TRANK1: variants seen among roughly 807,000 people sequenced by gnomAD.
TRANK1 encodes tetratricopeptide repeat and ankyrin repeat containing 1.
TRANK1 carries 198 observed loss-of-function variants against 266.0 expected under a neutral mutation model. The ratio of observed to expected loss-of-function variants is 0.74; its 90% CI spans 0.66 to 0.84. The LOEUF (loss-of-function observed/expected upper bound fraction) is 0.84, where lower values mean the gene tolerates loss of function less well. Ranked by LOEUF, TRANK1 falls within the 40% of genes least tolerant of loss-of-function variation. TRANK1 has a pLI of 0.00. For synonymous variants in TRANK1, 1,396 were observed against 1,384.1 expected (o/e 1.01, Z -0.19); for missense variants, 3,326 against 3,634.6 (o/e 0.92, Z 2.18).
chr3:36,897,159 G>C (rs953461798), intron 4 of TRANK1, among the ~76,000 whole-genome samples: 1 of 150,796 alleles, frequency 6.6e-6, no homozygotes, highest in Non-Finnish European at 1.5e-5. Context: ...AAAATTAGCC[G>C]GACGTGGTGG....
At chr3:36,926,840 C>G (rs1175178008) in intron 1 of TRANK1, among the ~76,000 whole-genome samples, 1 of 152,160 alleles carries the variant, frequency 6.6e-6, no homozygotes, top group Non-Finnish European at 1.5e-5. Flanking sequence ...ACTTCTTAAC[C>G]TCACTAATAT....
chr3:36,861,230 C>T, intron 10 of TRANK1, 70 bp from the exon 11 acceptor site: 1 of 1,476,312 alleles, frequency 6.8e-7, no homozygotes, highest in South Asian at 1.3e-5. Context: ...CCAATCACAA[C>T]CCAACATCCA....
chr3:36,900,311 C>T (rs1212946120), intron 3 of TRANK1, among the ~76,000 whole-genome samples: 1 of 152,088 alleles, frequency 6.6e-6, no homozygotes. Context: ...TCAAAGTAAA[C>T]ACAATTTCCA....
At position 36,855,328 on chromosome 3, in the gene TRANK1, TC is replaced by T. The variant is rs866661054; in HGVS notation, c.4393del (p.Asp1465ThrfsTer7). ...NDPNSMFLTGDTAQSIMKGVA... is the reference protein window; with the variant it reads ...NDPNSMFLTGXTAQSIMKGVA... ...GCCCTTCATGATGCTCTGGGCCGTG[TC>T]CCCCGTGAGGAACATAGAGTTGGGG... On this transcript the variant is annotated frameshift_variant, in exon 13 of 24. Transcript: ENST00000645898. LOFTEE classifies it high-confidence loss of function. 1.9e-6 allele frequency: 3 copies of T among 1,613,974 alleles called. No individual in the cohort carries two copies. Among genetic ancestry groups the T allele is most frequent in the Non-Finnish European group, 2.5e-6 (3 of 1,179,868 alleles).
At chr3:36,835,726 T>C (rs2078763100) in intron 20 of TRANK1, among the ~76,000 whole-genome samples, 1 of 152,234 alleles carries the variant, frequency 6.6e-6, no homozygotes. Context: ...ATGTATTGTT[T>C]CTTTGCTATC....
chr3:36,937,768 A>G (rs1254706176), intron 1 of TRANK1, among the ~76,000 whole-genome samples: 1 of 152,132 alleles, frequency 6.6e-6, no homozygotes, highest in Non-Finnish European at 1.5e-5. Flanking sequence ...CATGGCCCCC[A>G]TTGTTTATGC....
intron 1 of TRANK1, among the ~76,000 whole-genome samples, chr3:36,918,598 G>GAAA (rs2080168378): frequency 3.5e-4 from 21 of 60,462 alleles, no homozygotes; most frequent in South Asian, 1.0e-3. Context: ...AAGGAAGGAA[G>GAAA]GAAGGAAGGA....
chr3:36,858,588 G>A lies in TRANK1; in HGVS notation c.1672+130C>T, dbSNP rs2125548251. On this transcript the variant is annotated intron_variant, in intron 12 of 23. Coordinates refer to ENST00000645898, the MANE Select transcript of TRANK1 (RefSeq NM_001329998.2). ...AGTGAGGGGCCAGGTGACATGGGCAGGCCTGGCCAAGAAATGGGCCTTTTT... is the reference window on the plus strand; with the variant it reads ...AGTGAGGGGCCAGGTGACATGGGCAAGCCTGGCCAAGAAATGGGCCTTTTT... 2.7e-6 allele frequency: 3 copies of A among 1,100,472 alleles called. No individual in the cohort carries two copies. The South Asian group carries it at 7.3e-5, about 27-fold the overall frequency. 68.2% of individuals were successfully genotyped at this position (1,100,472 alleles called of 1,614,324 possible).
intron 15 of TRANK1, chr3:36,850,334 A>C (rs929994574): frequency 1.0e-6 from 1 of 985,338 alleles, no homozygotes; most frequent in African/African-American, 1.7e-5. Flanking sequence ...CTAATTGTGG[A>C]AGGTTCTGGA....
At position 36,829,488 on chromosome 3, in the gene TRANK1, T is replaced by G; in HGVS notation, c.8809+76A>C. 2.7e-6 allele frequency: 4 copies of G among 1,475,892 alleles called. No homozygotes were observed. In the South Asian group the frequency reaches 4.6e-5, roughly 17 times the overall value. The allele number at this position is 1,475,892 out of a possible 1,614,324, so 91.4% of individuals were successfully genotyped here. On this transcript the variant is annotated intron_variant, in intron 23 of 23. Coordinates refer to ENST00000645898, the MANE Select transcript of TRANK1 (RefSeq NM_001329998.2). ...CATCACTGGGCTGCCCCACTTCAGATTCCCCCCGGGAGCCAGCAGTAATAA... is the reference window on the plus strand; with the variant it reads ...CATCACTGGGCTGCCCCACTTCAGAGTCCCCCCGGGAGCCAGCAGTAATAA...
chr3:36,899,700 G>T (rs1436522719), intron 3 of TRANK1, among the ~76,000 whole-genome samples: 3 of 152,174 alleles, frequency 2.0e-5, no homozygotes, highest in African/African-American at 7.2e-5. Flanking sequence ...ACTGGATACA[G>T]GGTTTCCACA....
Position 36,831,192 on chromosome 3 carries a change from C to A in TRANK1, c.8391G>T (p.Val2797=). Residue 2797 remains valine (V), a synonymous_variant, in exon 22 of 24, where the codon GTG becomes GTT. Transcript: ENST00000645898. The surrounding 1 kb of genome is among the most constrained non-coding windows in gnomAD (Gnocchi z 5.0). ...CCAGCTCAGCCCTGGAAAGGACTGC[C>A]ACCTCGGAAGCTGCCCCCTCAAACG... ...SKAFEGAASE[V]AVLSRAELER... is the part of the protein sequence containing the mutation. 6.2e-7 allele frequency: 1 copy of A among 1,613,992 alleles called. No homozygotes were observed. The highest frequency in any genetic ancestry group is 8.5e-7 in the Non-Finnish European group (1 of 1,179,894).
Position 36,829,912 on chromosome 3 carries a change from C to T in TRANK1, c.8711-250G>A, listed in dbSNP as rs370678122. On this transcript the variant is annotated intron_variant, in intron 22 of 23. Transcript: ENST00000645898. ...GCCACAACTGCAAACCTTTCTAAGA[C>T]ACTTGTGTCCAAAATGTCATTAAAC... Among the ~76,000 whole-genome samples the T allele has an allele frequency of 7.9e-5, 12 of 152,330 alleles. No homozygotes were observed. In the South Asian group the frequency reaches 2.1e-3, roughly 26 times the overall value.
At chr3:36,849,227 C>T (rs1483138281) in intron 15 of TRANK1, among the ~76,000 whole-genome samples, 1 of 152,074 alleles carries the variant, frequency 6.6e-6, no homozygotes, top group Non-Finnish European at 1.5e-5. Flanking sequence ...TGTCCCACCG[C>T]CATGAGTATG....
intron 1 of TRANK1, among the ~76,000 whole-genome samples, chr3:36,934,970 C>A (rs963452061): frequency 6.6e-6 from 1 of 152,096 alleles, no homozygotes; most frequent in African/African-American, 2.4e-5. Context: ...CTCCCTGGCC[C>A]ACCCTCACCC....
At chr3:36,866,044 C>CAA (rs1446076291) in intron 9 of TRANK1, among the ~76,000 whole-genome samples, 169 of 92,440 alleles carry the variant, frequency 1.8e-3, no homozygotes, top group African/African-American at 5.7e-3. Context: ...GAGAGACAGA[C>CAA]AGAAAGAAAA....
At chr3:36,908,113 T>A (rs889920444) in intron 2 of TRANK1, among the ~76,000 whole-genome samples, 15 of 152,226 alleles carry the variant, frequency 9.9e-5, no homozygotes, top group African/African-American at 3.6e-4. Context: ...TTTGTTATGT[T>A]TATCAACAGT....
At chr3:36,873,070 T>TA (rs2079333166) in intron 9 of TRANK1, among the ~76,000 whole-genome samples, 1 of 152,196 alleles carries the variant, frequency 6.6e-6, no homozygotes, top group Admixed American at 6.5e-5. Flanking sequence ...TCGATGAACA[T>TA]ACCAGAAAAG....
chr3:36,918,653 G>C (rs1244195569), intron 1 of TRANK1, among the ~76,000 whole-genome samples: 1 of 150,266 alleles, frequency 6.7e-6, no homozygotes, highest in Non-Finnish European at 1.5e-5. Flanking sequence ...AAGAAAGAGA[G>C]AGAGAGAAAG....
Sources: gnomAD v4.1 joint callset for allele counts (sites outside exome capture counted in the v4.1 genomes callset) on GRCh38, gnomAD v4.1.1 for gene constraint, Gnocchi (gnomAD v3.1) non-coding constraint, MANE v1.5 for transcripts, NCBI Gene and HGNC (gene_info 2026-07-23, HGNC 2026-07-21) for gene names.